The following GHR variants were observed in gnomAD, a reference collection of about 807,000 sequenced individuals.
The protein encoded by GHR is GH receptor.
GHR carries 35 observed loss-of-function variants against 67.1 expected under a neutral mutation model. The ratio of observed to expected loss-of-function variants is 0.52; its 90% CI spans 0.40 to 0.69. The LOEUF (loss-of-function observed/expected upper bound fraction) is 0.69, where lower values mean the gene tolerates loss of function less well. Ranked by LOEUF, GHR falls within the 30% of genes least tolerant of loss-of-function variation. The pLI, the probability that GHR is intolerant of heterozygous loss-of-function variation, is 0.00. For missense variants in GHR, 792 were observed against 764.6 expected, an observed-to-expected ratio of 1.04 and a Z score of -0.42; for synonymous variants, 272 against 269.1, an observed-to-expected ratio of 1.01 and a Z score of -0.10.
chr5:42,445,138 G>A (rs963371918), intron 1 of GHR, among the ~76,000 whole-genome samples: 3 of 152,152 alleles, frequency 2.0e-5, no homozygotes, highest in African/African-American at 7.2e-5. Flanking sequence ...TTTTTTGTGT[G>A]TTCTCTATAG....
chr5:42,499,440 G>A (rs1746447024), intron 1 of GHR, among the ~76,000 whole-genome samples: 1 of 152,166 alleles, frequency 6.6e-6, no homozygotes, highest in Non-Finnish European at 1.5e-5. Context: ...AGGGAAGAGT[G>A]ATGGTTTCCA....
chr5:42,512,988 T>C (rs1176540368), intron 1 of GHR, among the ~76,000 whole-genome samples: 1 of 152,140 alleles, frequency 6.6e-6, no homozygotes, highest in East Asian at 1.9e-4. Context: ...GGATATTTTT[T>C]TAAAGGGGTC....
intron 1 of GHR, among the ~76,000 whole-genome samples, chr5:42,499,615 T>G (rs1481145268): frequency 1.3e-5 from 2 of 152,066 alleles, no homozygotes; most frequent in Non-Finnish European, 2.9e-5. Context: ...GCCGCAAGAG[T>G]AGAAAACAAG....
intron 3 of GHR, among the ~76,000 whole-genome samples, chr5:42,650,700 A>G (rs750721010): frequency 6.6e-6 from 1 of 151,746 alleles, no homozygotes; most frequent in Non-Finnish European, 1.5e-5. Flanking sequence ...AATGTGTTAG[A>G]TGAGTGAATG....
chr5:42,568,461 A>C (rs1750079284), intron 2 of GHR, among the ~76,000 whole-genome samples: 1 of 152,172 alleles, frequency 6.6e-6, no homozygotes, highest in South Asian at 2.1e-4. Context: ...CTTGTTTTCA[A>C]AGGGCTTCAC....
intron 2 of GHR, among the ~76,000 whole-genome samples, chr5:42,567,744 A>AGT (rs1436722847): frequency 6.8e-6 from 1 of 148,096 alleles, no homozygotes; most frequent in South Asian, 2.2e-4. Context: ...AGCACGTTCC[A>AGT]GTGTGTGTGT....
intron 2 of GHR, among the ~76,000 whole-genome samples, chr5:42,613,848 G>A (rs1011858059): frequency 3.3e-5 from 5 of 152,094 alleles, no homozygotes; most frequent in African/African-American, 1.2e-4. Context: ...GGGACATTAG[G>A]AGAAAGGATC....
At chr5:42,638,978 C>A (rs897954105) in intron 3 of GHR, among the ~76,000 whole-genome samples, 2 of 152,230 alleles carry the variant, frequency 1.3e-5, no homozygotes, top group South Asian at 2.1e-4. Flanking sequence ...ACCAAAACAT[C>A]ATTGTGTGGC....
At chr5:42,597,282 T>C (rs898734238) in intron 2 of GHR, among the ~76,000 whole-genome samples, 3 of 152,236 alleles carry the variant, frequency 2.0e-5, no homozygotes, top group Non-Finnish European at 4.4e-5. Flanking sequence ...AGAACATAGA[T>C]AATTATTAAA....
At position 42,466,452 on chromosome 5, in the gene GHR, C is replaced by T. The variant is rs570599895; in HGVS notation, c.-12+42497C>T. Among the ~76,000 whole-genome samples the T allele has an allele frequency of 2.6e-5, 4 of 152,304 alleles. 1 individual carries two copies. The South Asian group carries it at 8.3e-4, about 32-fold the overall frequency. On this transcript the variant is annotated intron_variant, in intron 1 of 9. Transcript: ENST00000230882. ...TTGAATTGCTACCCCAAGTGGTTTC[C>T]TTACCTAGTCACCACTTAACCAGAA... is the stretch of plus-strand genomic sequence containing the variant.
intron 2 of GHR, among the ~76,000 whole-genome samples, chr5:42,579,140 TGATA>T (rs1554021863): frequency 0.018 from 1,053 of 59,718 alleles, 20 homozygotes; most frequent in Admixed American, 0.021. Context: ...GATAGATAGA[TGATA>T]GATAGATATA....
At chr5:42,578,802 C>T (rs1364415575) in intron 2 of GHR, among the ~76,000 whole-genome samples, 3 of 152,120 alleles carry the variant, frequency 2.0e-5, no homozygotes, top group African/African-American at 7.2e-5. Flanking sequence ...TGTCAGACAG[C>T]TGTTAATTCC....
intron 1 of GHR, among the ~76,000 whole-genome samples, chr5:42,481,859 G>A (rs747242881): frequency 5.3e-5 from 8 of 151,954 alleles, no homozygotes; most frequent in East Asian, 3.9e-4. Flanking sequence ...TAGTTTGATC[G>A]TCTGAAGCCT....
intron 1 of GHR, among the ~76,000 whole-genome samples, chr5:42,530,922 T>A (rs1170401803): frequency 2.0e-5 from 3 of 152,228 alleles, no homozygotes; most frequent in African/African-American, 7.2e-5. Context: ...TGCTCCCGCA[T>A]ACATTGAGAT....
chr5:42,632,941 T>C (rs780048947), intron 3 of GHR, among the ~76,000 whole-genome samples: 9 of 152,212 alleles, frequency 5.9e-5, no homozygotes, highest in Admixed American at 2.6e-4. Flanking sequence ...CAAAACATTT[T>C]TAGTATTCCC....
At chr5:42,435,003 CA>C (rs1743260054) in intron 1 of GHR, among the ~76,000 whole-genome samples, 1 of 152,146 alleles carries the variant, frequency 6.6e-6, no homozygotes, top group African/African-American at 2.4e-5. Context: ...TGCAAAAAAA[CA>C]GTTGATTATT....
intron 1 of GHR, among the ~76,000 whole-genome samples, chr5:42,442,179 A>G (rs1743608266): frequency 6.6e-6 from 1 of 152,164 alleles, no homozygotes; most frequent in Non-Finnish European, 1.5e-5. Flanking sequence ...CATACTAGGA[A>G]GGAAAGGGGA....
intron 2 of GHR, among the ~76,000 whole-genome samples, chr5:42,574,870 C>G (rs1750562165): frequency 1.3e-5 from 2 of 152,186 alleles, no homozygotes; most frequent in Non-Finnish European, 2.9e-5. Context: ...ACCACTGATG[C>G]CTTAAAGCAG....
chr5:42,444,138 C>T (rs1743710947), intron 1 of GHR, among the ~76,000 whole-genome samples: 2 of 152,040 alleles, frequency 1.3e-5, no homozygotes, highest in Non-Finnish European at 2.9e-5. Context: ...ATACTCAGTC[C>T]AATTCATGAT....
Sources: allele counts gnomAD v4.1 joint callset (sites outside exome capture counted in the v4.1 genomes callset), GRCh38; gene constraint gnomAD v4.1.1; transcripts MANE v1.5; gene names NCBI Gene and HGNC (gene_info 2026-07-23, HGNC 2026-07-21).